PIAS2: variants seen among roughly 807,000 people sequenced by gnomAD.
The protein encoded by PIAS2 is protein inhibitor of activated STAT 2, also known as E3 SUMO-protein ligase PIAS2.
A neutral mutation model predicts 69.7 loss-of-function variants in PIAS2; 19 were observed. That is an observed-to-expected ratio of 0.27 (90% CI 0.19 to 0.40). The LOEUF (loss-of-function observed/expected upper bound fraction) is 0.40, where lower values mean the gene tolerates loss of function less well. PIAS2 is among the 10% of genes least tolerant of loss of function. PIAS2 has a pLI of 1.00. For synonymous variants in PIAS2, 261 were observed against 263.2 expected (o/e 0.99, Z 0.08); for missense variants, 624 against 757.0 (o/e 0.82, Z 2.06).
chr18:46,895,022 G>A (rs1161998635), intron 1 of PIAS2, among the ~76,000 whole-genome samples: 1 of 149,900 alleles, frequency 6.7e-6, no homozygotes, highest in Non-Finnish European at 1.5e-5. Context: ...GCAGTGAGTC[G>A]AGACCATACC....
chr18:46,883,151 C>T (rs934228414), intron 2 of PIAS2, among the ~76,000 whole-genome samples: 2 of 151,108 alleles, frequency 1.3e-5, no homozygotes, highest in Admixed American at 6.6e-5. Context: ...TAACATAACA[C>T]AAGCGGAGAA....
chr18:46,839,462 A>C (rs961637325), intron 8 of PIAS2, among the ~76,000 whole-genome samples: 1 of 152,220 alleles, frequency 6.6e-6, no homozygotes, highest in African/African-American at 2.4e-5. Context: ...TGAATAATCT[A>C]TAAGTACCTA....
At chr18:46,818,665 T>C (rs2041833505) in intron 12 of PIAS2, among the ~76,000 whole-genome samples, 1 of 151,964 alleles carries the variant, frequency 6.6e-6, no homozygotes, top group East Asian at 1.9e-4. Context: ...ACATTAACAA[T>C]AAAATCAAAG....
Position 46,807,357 on chromosome 18 carries a change from A to T in PIAS2, c.*5076T>A, listed in dbSNP as rs1281346134. On this transcript the variant is annotated 3_prime_UTR_variant, in exon 14 of 14. Coordinates refer to ENST00000585916, the MANE Select transcript of PIAS2 (RefSeq NM_004671.5). ...GTGTTTCTGAAACATGTCAGATTTT[A>T]TATATATATATATATATATATATAT... 14 of 22,028 alleles carry T rather than the reference A, an allele frequency of 6.4e-4. No individual in the cohort carries two copies. Among genetic ancestry groups the T allele is most frequent in the Non-Finnish European group, 8.3e-4 (11 of 13,262 alleles). 1.4% of individuals were successfully genotyped at this position (22,028 alleles called of 1,614,324 possible).
Position 46,803,731 on chromosome 18 carries a change from T to C in PIAS2, c.*8702A>G, listed in dbSNP as rs2040569383. ...ATTGTAGCACTCTGTGTAGTGTACC[T>C]GACCCAGATAAGGTGGTCCTCAGTA... On this transcript the variant is annotated 3_prime_UTR_variant, in exon 14 of 14. Coordinates refer to ENST00000585916, the MANE Select transcript of PIAS2 (RefSeq NM_004671.5). 6.6e-6 allele frequency: 1 copy of C among 152,236 alleles called. No individual in the cohort carries two copies. The allele number at this position is 152,236 out of a possible 1,614,324, so 9.4% of individuals were successfully genotyped here.
At chr18:46,819,879 G>A (rs555945805) in intron 12 of PIAS2, among the ~76,000 whole-genome samples, 5 of 152,152 alleles carry the variant, frequency 3.3e-5, no homozygotes, top group Admixed American at 1.3e-4. Flanking sequence ...CTTGGTTGCA[G>A]AAGTCCTGAT....
Position 46,812,699 on chromosome 18 carries a change from A to C in PIAS2, c.1687-87T>G, listed in dbSNP as rs2041094568. 6.8e-6 allele frequency: 5 copies of C among 734,514 alleles called. No individual in the cohort carries two copies. The East Asian group carries it at 1.3e-4, about 19-fold the overall frequency. 45.5% of individuals were successfully genotyped at this position (734,514 alleles called of 1,614,324 possible). On this transcript the variant is annotated intron_variant, in intron 13 of 13. Coordinates refer to ENST00000585916, the MANE Select transcript of PIAS2 (RefSeq NM_004671.5). ...TAGAAATTATTAGATATGCACAAGC[A>C]ATAGTCACATATTTAAATCCCAGTG...
At chr18:46,914,346 C>CTAAA (rs1214853775) in intron 1 of PIAS2, among the ~76,000 whole-genome samples, 16 of 152,062 alleles carry the variant, frequency 1.1e-4, no homozygotes, top group Non-Finnish European at 2.1e-4. Flanking sequence ...AAGTAGAGAC[C>CTAAA]TAAACTCAGC....
intron 2 of PIAS2, 109 bp downstream of exon 2, chr18:46,890,471 T>C (rs2053907625): frequency 1.4e-5 from 10 of 695,178 alleles, no homozygotes; most frequent in African/African-American, 1.8e-5. Context: ...ACATTCGGCA[T>C]TGATGCCTCA....
At chr18:46,834,771 C>T (rs2044184755) in intron 9 of PIAS2, among the ~76,000 whole-genome samples, 1 of 152,152 alleles carries the variant, frequency 6.6e-6, no homozygotes, top group African/African-American at 2.4e-5. Context: ...TGAGCCACCA[C>T]ACCCAAGAGT....
In PIAS2 at chr18:46,807,381, A is replaced by ATTTT. The variant is rs1453356977; in HGVS notation, c.*5051_*5052insAAAA. The ATTTT allele has an allele frequency of 1.5e-3, 29 of 19,844 alleles. 1 individual carries two copies. Among genetic ancestry groups the ATTTT allele is most frequent in the African/African-American group, 5.5e-3 (14 of 2,556 alleles). 1.2% of individuals were successfully genotyped at this position (19,844 alleles called of 1,614,324 possible). ...TATATATATATATATATATATATAT[A>ATTTT]TATTTTTTTTTTTTTTTTTTTTTTT... On this transcript the variant is annotated 3_prime_UTR_variant, in exon 14 of 14. Coordinates refer to ENST00000585916, the MANE Select transcript of PIAS2 (RefSeq NM_004671.5).
At chr18:46,838,093 C>T (rs1399914738) in intron 8 of PIAS2, among the ~76,000 whole-genome samples, 4 of 152,168 alleles carry the variant, frequency 2.6e-5, no homozygotes, top group Non-Finnish European at 5.9e-5. Context: ...GGGAGGCAGG[C>T]TTTTTAGGAT....
chr18:46,892,617 T>G (rs2146018437), intron 1 of PIAS2, among the ~76,000 whole-genome samples: 1 of 151,576 alleles, frequency 6.6e-6, no homozygotes, highest in African/African-American at 2.4e-5. Context: ...CACAAAAATT[T>G]AAAAATTAGC....
chr18:46,835,374 A>G (rs1329569782), intron 9 of PIAS2, among the ~76,000 whole-genome samples: 1 of 152,208 alleles, frequency 6.6e-6, no homozygotes, highest in Admixed American at 6.5e-5. Flanking sequence ...ATAAAAATTC[A>G]GCAAAGGAAA....
intron 2 of PIAS2, among the ~76,000 whole-genome samples, chr18:46,886,764 G>C (rs775214717): frequency 6.6e-6 from 1 of 152,080 alleles, no homozygotes; most frequent in African/African-American, 2.4e-5. Context: ...TTGAACCCGG[G>C]GAAGTGGAGG....
intron 2 of PIAS2, among the ~76,000 whole-genome samples, chr18:46,884,872 G>A (rs1048986719): frequency 5.9e-5 from 9 of 151,610 alleles, no homozygotes; most frequent in African/African-American, 1.7e-4. Flanking sequence ...AGCTGAGACC[G>A]TGCCATTGCA....
Position 46,855,272 on chromosome 18 carries a change from T to TA in PIAS2, c.726+72_726+73insT, listed in dbSNP as rs1453378621. ...TTCACTGGTATTCAGCTGTCACTGT[T>TA]GCACTGTTTCTAGGCCTTGTCAGTG... On this transcript the variant is annotated intron_variant, in intron 5 of 13. Coordinates refer to ENST00000585916, the MANE Select transcript of PIAS2 (RefSeq NM_004671.5). The TA allele has an allele frequency of 5.6e-6, 5 of 893,552 alleles. No individual in the cohort carries two copies. The Admixed American group carries it at 1.1e-4, about 19-fold the overall frequency. The allele number at this position is 893,552 out of a possible 1,614,324, so 55.4% of individuals were successfully genotyped here. A position where few individuals can be genotyped will look rare whatever the true frequency, so the allele number is the denominator to read the frequency against.
At position 46,809,963 on chromosome 18, in the gene PIAS2, A is replaced by AC. The variant is rs1415599394; in HGVS notation, c.*2469dup. 1 of 152,180 alleles carries AC rather than the reference A, an allele frequency of 6.6e-6. No individual in the cohort carries two copies. The highest frequency in any genetic ancestry group is 6.5e-5 in the Admixed American group (1 of 15,282). 9.4% of individuals were successfully genotyped at this position (152,180 alleles called of 1,614,324 possible). ...AGGGTCTGGATAAGAAACAGTGACCACATTAAAGGCTGACGGATTAATAAT... is the reference window on the plus strand; with the variant it reads ...AGGGTCTGGATAAGAAACAGTGACCACCATTAAAGGCTGACGGATTAATAAT... On this transcript the variant is annotated 3_prime_UTR_variant, in exon 14 of 14. Coordinates refer to ENST00000585916, the MANE Select transcript of PIAS2 (RefSeq NM_004671.5).
rs1199157484 is a variant in PIAS2 at position 46,890,895 on chromosome 18, T to C, written c.184A>G (p.Arg62Gly). The change falls in exon 2 of 14, where the codon AGA (arginine) becomes GGA (glycine). Residue 62 changes from arginine to glycine, a missense_variant. This residue lies in a region of PIAS2 where 339 missense variants were observed against 408.8 expected (regional missense o/e 0.83). Transcript: ENST00000585916. ...AVQIKIRELY[R>G]RRYPRTLEGL... is the part of the protein sequence containing the mutation. ...TCAAGAGTTCGTGGATATCGGCGTCTATACAATTCTCGGATTTTAATCTGA... is the reference window on the plus strand; with the variant it reads ...TCAAGAGTTCGTGGATATCGGCGTCCATACAATTCTCGGATTTTAATCTGA... The C allele has an allele frequency of 1.2e-6, 2 of 1,614,086 alleles. No homozygotes were observed. Among genetic ancestry groups the C allele is most frequent in the Non-Finnish European group, 1.7e-6 (2 of 1,180,046 alleles).
Sources: gnomAD v4.1 joint callset for allele counts (sites outside exome capture counted in the v4.1 genomes callset) on GRCh38, gnomAD v4.1.1 for gene constraint, gnomAD v4.1.1 regional missense constraint, MANE v1.5 for transcripts, NCBI Gene and HGNC (gene_info 2026-07-23, HGNC 2026-07-21) for gene names.